The following TLE3 variants were observed in gnomAD, a reference collection of about 807,000 sequenced individuals.
TLE3 encodes the protein TLE family member 3, transcriptional corepressor, also known as transducin-like enhancer protein 3.
Under a neutral mutation model 93.0 loss-of-function variants are expected in TLE3, and 14 were observed. The observed-to-expected ratio is 0.15, with a 90% CI of 0.10 to 0.24. The LOEUF is 0.24. Among genes scored for constraint, TLE3 ranks in the 10% least tolerant of loss-of-function variants. TLE3 has a pLI of 1.00. For missense variants in TLE3, 693 were observed against 1,046.6 expected, an observed-to-expected ratio of 0.66 and a Z score of 4.66; for synonymous variants, 451 against 425.0, an observed-to-expected ratio of 1.06 and a Z score of -0.75.
chr15:70,053,043 G>T (rs1377286541), intron 17 of TLE3, 184 bp downstream of exon 17: 4 of 698,786 alleles, frequency 5.7e-6, no homozygotes, highest in African/African-American at 1.8e-5. Context: ...CCAACCCCAA[G>T]GTCATCTCCA....
At chr15:70,078,440 C>A (rs1305216881) in intron 4 of TLE3, among the ~76,000 whole-genome samples, 1 of 152,250 alleles carries the variant, frequency 6.6e-6, no homozygotes, top group Admixed American at 6.5e-5. Context: ...TTAGGAAGCT[C>A]ACAGGTCCAA....
At chr15:70,094,347 T>A (rs1440227925) in intron 4 of TLE3, among the ~76,000 whole-genome samples, 185 bp downstream of exon 4, 1 of 150,694 alleles carries the variant, frequency 6.6e-6, no homozygotes, top group African/African-American at 2.4e-5. Flanking sequence ...AAGCTCAACA[T>A]GTCTAAAAAA....
chr15:70,094,889 T>C (rs949158796), intron 3 of TLE3: 7 of 308,358 alleles, frequency 2.3e-5, no homozygotes, highest in African/African-American at 1.3e-4. Flanking sequence ...GTGTGTACAC[T>C]GGGACCCTCT....
chr15:70,068,860 T>C (rs1051535104), intron 6 of TLE3, among the ~76,000 whole-genome samples: 6 of 152,200 alleles, frequency 3.9e-5, no homozygotes, highest in African/African-American at 1.2e-4. Flanking sequence ...TCAGAATGGA[T>C]TTCTCTGTTC....
intron 17 of TLE3, chr15:70,052,874 GGTTTATGGCTAC>G (rs1357909544): frequency 1.3e-5 from 4 of 312,542 alleles, no homozygotes; most frequent in African/African-American, 2.1e-5. Flanking sequence ...CTGTGAGTCG[GGTTTATGGCTAC>G]GCCTTTTAGA....
intron 2 of TLE3, 147 bp downstream of exon 2, chr15:70,096,014 T>A (rs2058539995): frequency 1.0e-6 from 1 of 992,312 alleles, no homozygotes; most frequent in African/African-American, 1.6e-5. Context: ...GGCGGCGCGC[T>A]CGGAAAGGGG....
In TLE3 at chr15:70,054,458, C is replaced by T. The variant is rs2055836544; in HGVS notation, c.1806G>A (p.Leu602=). 2.5e-6 allele frequency: 4 copies of T among 1,613,750 alleles called. No individual in the cohort carries two copies. Among genetic ancestry groups the T allele is most frequent in the South Asian group, 2.2e-5 (2 of 91,068 alleles). Reference sequence around the variant, plus strand: ...CTCACCTGACCAGGGTCTGGTTGTGCAGGTCCCAGACAGCAATGTTCCCAT... The same window carrying T: ...CTCACCTGACCAGGGTCTGGTTGTGTAGGTCCCAGACAGCAATGTTCCCAT... ...CSDGNIAVWD[L]HNQTLVRQFQ... is the part of the protein sequence containing the mutation. The change falls in exon 16 of 20, where the codon CTG becomes CTA. Residue 602 remains leucine (L), a synonymous_variant. Coordinates refer to ENST00000451782, the MANE Select transcript of TLE3 (RefSeq NM_001105192.3).
intron 6 of TLE3, among the ~76,000 whole-genome samples, chr15:70,068,010 C>T (rs1396825042): frequency 2.0e-5 from 3 of 152,196 alleles, no homozygotes; most frequent in South Asian, 2.1e-4. Context: ...GAGTCCAATG[C>T]GGAGATCCAA....
Position 70,052,563 on chromosome 15 carries a change from T to A in TLE3, c.1975-39A>T, listed in dbSNP as rs2055644427. The A allele has an allele frequency of 1.9e-6, 3 of 1,596,076 alleles. No homozygotes were observed. In the African/African-American group the frequency reaches 4.0e-5, roughly 21 times the overall value. ...GAGGGCAGATGGACTGAGCTCAGCA[T>A]TCTCTGCCCTCAAGAGGAGGGCGGC... On this transcript the variant is annotated intron_variant, in intron 17 of 19. Coordinates refer to ENST00000451782, the MANE Select transcript of TLE3 (RefSeq NM_001105192.3).
Position 70,049,965 on chromosome 15 carries a change from G to A in TLE3, c.*132C>T, listed in dbSNP as rs554795369. 1,109 of 700,274 alleles carry A rather than the reference G, an allele frequency of 1.6e-3. 3 individuals carry two copies. Among genetic ancestry groups the A allele is most frequent in the South Asian group, 8.1e-3 (485 of 59,692 alleles). 43.4% of individuals were successfully genotyped at this position (700,274 alleles called of 1,614,324 possible). ...GGGGCACGTGCCCTCTCAGCCGGCC[G>A]GAGCGCAGCCCTGAACGCTCGGCTG... On this transcript the variant is annotated 3_prime_UTR_variant, in exon 20 of 20. Coordinates refer to ENST00000451782, the MANE Select transcript of TLE3 (RefSeq NM_001105192.3).
chr15:70,054,121 T>C (rs1265777425), intron 16 of TLE3: 4 of 250,602 alleles, frequency 1.6e-5, no homozygotes, highest in African/African-American at 9.0e-5. Context: ...CAGTCGGGTC[T>C]CCCTAATCTG....
chr15:70,094,621 G>A (rs1244183597), intron 3 of TLE3, 45 bp from the exon 4 acceptor site: 1 of 1,401,864 alleles, frequency 7.1e-7, no homozygotes, highest in Admixed American at 2.6e-5. Flanking sequence ...ACAGAAATCT[G>A]GTCATTTTTC....
chr15:70,096,712 A>C, intron 1 of TLE3, 63 bp downstream of exon 1: 1 of 1,598,926 alleles, frequency 6.3e-7, no homozygotes, highest in Non-Finnish European at 8.5e-7. Flanking sequence ...GAGGTGCCAG[A>C]TAAACTGCCT....
chr15:70,065,979 G>GCCCCCC, intron 7 of TLE3, 35 bp downstream of exon 7: 23 of 1,089,080 alleles, frequency 2.1e-5, no homozygotes, highest in Middle Eastern at 2.7e-4. Flanking sequence ...GCCCACCCCT[G>GCCCCCC]CCCCGCCCCA....
chr15:70,097,038 G>A lies in TLE3; in HGVS notation c.-240C>T. On this transcript the variant is annotated 5_prime_UTR_variant, in exon 1 of 20. Coordinates refer to ENST00000451782, the MANE Select transcript of TLE3 (RefSeq NM_001105192.3). ...GGCGGGCGCCGGGGCCGGGCGGCGG[G>A]CGCGGGCTTTGTGCGCCTAGGGCTC... 1.8e-6 allele frequency: 1 copy of A among 568,448 alleles called. No individual in the cohort carries two copies. The highest frequency in any genetic ancestry group is 3.0e-6 in the Non-Finnish European group (1 of 330,684). 35.2% of individuals were successfully genotyped at this position (568,448 alleles called of 1,614,324 possible). A position where few individuals can be genotyped will look rare whatever the true frequency, so the allele number is the denominator to read the frequency against.
chr15:70,054,844 C>G (rs931130653), intron 15 of TLE3, 159 bp from the exon 16 acceptor site: 6 of 1,245,936 alleles, frequency 4.8e-6, no homozygotes, highest in East Asian at 2.6e-5. Flanking sequence ...AATTCACAAC[C>G]CTTTGATCTT....
chr15:70,064,904 TAAA>T (rs36022217), intron 7 of TLE3, among the ~76,000 whole-genome samples: 50 of 137,914 alleles, frequency 3.6e-4, no homozygotes, highest in African/African-American at 8.3e-4. Context: ...ACTTTATTGT[TAAA>T]AAAAAAAAAA....
In TLE3 at chr15:70,064,454, C is replaced by T; in HGVS notation, c.594G>A (p.Ala198=). The T allele has an allele frequency of 1.2e-6, 2 of 1,613,904 alleles. No homozygotes were observed. The highest frequency in any genetic ancestry group is 1.7e-6 in the Non-Finnish European group (2 of 1,179,848). Residue 198 remains alanine, a splice_region_variant and synonymous_variant, in exon 8 of 20, where the codon GCG becomes GCA. Transcript: ENST00000451782. ...ELDHRERESS[A]NNSVSPSESL... is the part of the protein sequence containing the mutation. Reference sequence around the variant, plus strand: ...CGGGTTCCAGAGTGCCAACACTTACCGCACTGGATTCTCTCTCTTTGGGGA... The same window carrying T: ...CGGGTTCCAGAGTGCCAACACTTACTGCACTGGATTCTCTCTCTTTGGGGA...
In TLE3 at chr15:70,064,942, A is replaced by G. The variant is rs534266512; in HGVS notation, c.578-472T>C. 2.0e-3 allele frequency among the ~76,000 whole-genome samples: 299 copies of G among 151,454 alleles called. 2 individuals carry two copies. The highest frequency in any genetic ancestry group is 7.0e-3 in the African/African-American group (289 of 41,298). ...AAAAAAAGGAATTTAACAGTGGTTT[A>G]ATTTTGTTTTTGAAATTAACACCAT... On this transcript the variant is annotated intron_variant, in intron 7 of 19. Coordinates refer to ENST00000451782, the MANE Select transcript of TLE3 (RefSeq NM_001105192.3).
Sources: allele counts gnomAD v4.1 joint callset (sites outside exome capture counted in the v4.1 genomes callset), GRCh38; gene constraint gnomAD v4.1.1; transcripts MANE v1.5; gene names NCBI Gene and HGNC (gene_info 2026-07-23, HGNC 2026-07-21).